SPATA24: variants seen among roughly 807,000 people sequenced by gnomAD.
SPATA24 encodes the protein spermatogenesis-associated protein 24.
In SPATA24, 21 loss-of-function variants were observed where a neutral mutation model predicts 28.9. The observed-to-expected ratio is 0.73, with a 90% CI of 0.52 to 1.05. SPATA24 has a LOEUF of 1.05. Among genes scored for constraint, SPATA24 ranks in the 50% least tolerant of loss-of-function variants. SPATA24 has a pLI of 0.00. For missense variants in SPATA24, 215 were observed against 242.9 expected (o/e 0.88, Z 0.76); for synonymous variants, 76 against 89.9 (o/e 0.85, Z 0.88).
chr5:139,394,989 T>C (rs1370820095), downstream of SPATA24: 2 of 1,501,942 alleles, frequency 1.3e-6, no homozygotes, highest in Non-Finnish European at 8.9e-7. Flanking sequence ...AGTAGGAGCC[T>C]GACGAACCGG....
chr5:139,393,253 C>G (rs1433910808), downstream of SPATA24: 1 of 1,549,370 alleles, frequency 6.5e-7, no homozygotes, highest in Admixed American at 2.0e-5. Flanking sequence ...GGCCGCCTCT[C>G]CAGGACCCAA....
At chr5:139,394,951 G>C (rs1581397078), downstream of SPATA24, 1 of 1,519,902 alleles carries the variant, frequency 6.6e-7, no homozygotes, top group Non-Finnish European at 8.8e-7. Context: ...CCCAACGTCC[G>C]GGGGCTCCGG....
intron 4 of SPATA24, among the ~76,000 whole-genome samples, chr5:139,399,265 C>T (rs1057268704): frequency 1.3e-5 from 2 of 148,698 alleles, no homozygotes; most frequent in Non-Finnish European, 3.0e-5. Context: ...TGCAGTGAGC[C>T]GAGATCTCGA....
chr5:139,394,947 G>C (rs1222471945), downstream of SPATA24: 2 of 1,521,360 alleles, frequency 1.3e-6, no homozygotes, highest in Non-Finnish European at 1.8e-6. Flanking sequence ...CCGGCCCAAC[G>C]TCCGGGGGCT....
At chr5:139,393,071 G>A, downstream of SPATA24, 2 of 1,529,658 alleles carry the variant, frequency 1.3e-6, no homozygotes, top group Non-Finnish European at 1.8e-6. Context: ...GGGGGCCCCA[G>A]TGCTGGCGGC....
downstream of SPATA24, chr5:139,396,310 T>C (rs982111448): frequency 2.0e-6 from 2 of 985,446 alleles, no homozygotes; most frequent in Non-Finnish European, 2.4e-6. Context: ...TCCCAGATTG[T>C]TTCTCCACCT....
Position 139,397,090 on chromosome 5 carries a change from C to G in SPATA24, c.439G>C (p.Glu147Gln). ...QEDILNGKENEIKELQQVISQ... is the reference protein window; with the variant it reads ...QEDILNGKENQIKELQQVISQ... Reference sequence around the variant, plus strand: ...ATAACTTGCTGCAACTCTTTAATCTCATTCTCTTTGCCATTAAGTATATCT... The same window carrying G: ...ATAACTTGCTGCAACTCTTTAATCTGATTCTCTTTGCCATTAAGTATATCT... Residue 147 changes from glutamate (E) to glutamine (Q), a missense_variant, in exon 5 of 6, where the codon GAG (glutamate) becomes CAG (glutamine). Physicochemically the swap from Glu to Gln is conservative, Grantham distance 29 (BLOSUM62 2). Transcript: ENST00000450845. 5 of 1,551,970 alleles carry G rather than the reference C, an allele frequency of 3.2e-6. No homozygotes were observed. The highest frequency in any genetic ancestry group is 4.4e-6 in the Non-Finnish European group (5 of 1,147,046).
chr5:139,394,644 C>T (rs1403639595), downstream of SPATA24: 5 of 1,534,658 alleles, frequency 3.3e-6, no homozygotes, highest in East Asian at 1.2e-4. Flanking sequence ...ACGCTGGCCC[C>T]GGCGGCAAGG....
chr5:139,394,023 C>T (rs1302794423), downstream of SPATA24: 2 of 1,550,704 alleles, frequency 1.3e-6, no homozygotes, highest in Admixed American at 2.0e-5. Flanking sequence ...GAGTCTTCCG[C>T]GCCTCCTGGA....
downstream of SPATA24, chr5:139,395,169 T>TG (rs552633042): frequency 9.8e-5 from 127 of 1,290,874 alleles, no homozygotes; most frequent in East Asian, 1.1e-3. Context: ...GAGGATGCCG[T>TG]GGGGGTCACC....
At chr5:139,394,854 C>G, downstream of SPATA24, 1 of 1,531,588 alleles carries the variant, frequency 6.5e-7, no homozygotes, top group Non-Finnish European at 8.8e-7. Context: ...GGCGGCTATT[C>G]TGGGCGCTGA....
intron 4 of SPATA24, among the ~76,000 whole-genome samples, chr5:139,397,638 T>A (rs2152078090): frequency 6.6e-6 from 1 of 151,680 alleles, no homozygotes; most frequent in South Asian, 2.1e-4. Flanking sequence ...CACTGCAACC[T>A]CCACCTCCTG....
chr5:139,392,941 C>A (rs1442584014), downstream of SPATA24: 2 of 1,518,874 alleles, frequency 1.3e-6, no homozygotes, highest in Non-Finnish European at 1.8e-6. This position sits in a 1 kb window ranked among gnomAD's most constrained non-coding sequence, Gnocchi z 5.8. Flanking sequence ...CCGCAGGACC[C>A]CGTTGGGCTG....
At chr5:139,400,289 G>A (rs986412045) in intron 4 of SPATA24, among the ~76,000 whole-genome samples, 2 of 149,984 alleles carry the variant, frequency 1.3e-5, no homozygotes, top group African/African-American at 4.9e-5. Flanking sequence ...GTTGTGCCTG[G>A]AATTCATACC....
Position 139,403,969 on chromosome 5 carries a change from T to G in SPATA24, c.92A>C (p.Glu31Ala), listed in dbSNP as rs778032308. 42 of 1,551,530 alleles carry G rather than the reference T, an allele frequency of 2.7e-5. No homozygotes were observed. In the Middle Eastern group the frequency reaches 5.0e-4, roughly 18 times the overall value. ...CACGTTCCTCAGCTGGTGGATTAGT[T>G]CCTCCTGAGACTCAATCACGTCCCG... ...QLRDVIESQE[E>A]LIHQLRNVMV... Residue 31 changes from glutamate to alanine, a missense_variant, in exon 1 of 6, where the codon GAA becomes GCA. By Grantham distance (107) the Glu-to-Ala change is moderately radical. Coordinates refer to ENST00000450845, the MANE Select transcript of SPATA24 (RefSeq NM_194296.2).
chr5:139,400,711 TG>T (rs1388195476), intron 4 of SPATA24, among the ~76,000 whole-genome samples: 1 of 152,162 alleles, frequency 6.6e-6, no homozygotes, highest in Non-Finnish European at 1.5e-5. Context: ...CCACAACTTA[TG>T]GCACCAACTG....
At chr5:139,394,260 C>A (rs765306371), downstream of SPATA24, 34 of 1,545,034 alleles carry the variant, frequency 2.2e-5, no homozygotes, top group Non-Finnish European at 2.8e-5. Flanking sequence ...CCGACCGCCC[C>A]GTGGACCCGA....
In SPATA24 at chr5:139,401,961, C is replaced by T. The variant is rs758192079; in HGVS notation, c.268G>A (p.Val90Met). 3.4e-5 allele frequency: 53 copies of T among 1,551,776 alleles called. No individual in the cohort carries two copies. In the South Asian group the frequency reaches 6.3e-4, roughly 18 times the overall value. ...TCTTTCTCCAGCTGCTTGGATAGCA[C>T]CTCTACCTCTCCGAGGGCAAACTGT... is the stretch of plus-strand genomic sequence containing the variant. ...KLQFALGEVE[V>M]LSKQLEKEKL... Residue 90 changes from valine to methionine, a missense_variant, in exon 3 of 6, where the codon GTG becomes ATG. Val to Met is a conservative substitution (Grantham distance 21). Coordinates refer to ENST00000450845, the MANE Select transcript of SPATA24 (RefSeq NM_194296.2).
At chr5:139,403,411 A>G (rs1758863917) in intron 1 of SPATA24, among the ~76,000 whole-genome samples, 2 of 152,248 alleles carry the variant, frequency 1.3e-5, no homozygotes, top group South Asian at 2.1e-4. Flanking sequence ...CCAGGATTCT[A>G]TCATGCCTAC....
Sources: gnomAD v4.1 joint callset for allele counts (sites outside exome capture counted in the v4.1 genomes callset) on GRCh38, gnomAD v4.1.1 for gene constraint, Gnocchi (gnomAD v3.1) non-coding constraint, MANE v1.5 for transcripts, NCBI Gene and HGNC (gene_info 2026-07-23, HGNC 2026-07-21) for gene names.